The following HACL2 variants were observed in gnomAD, a reference collection of about 807,000 sequenced individuals.
The protein encoded by HACL2 is 2-hydroxyacyl-CoA lyase 1 like.
At chr19:15,123,068 GCC>G in the HACL2 span, 1 of 1,610,118 alleles carries the variant, frequency 6.2e-7, no homozygotes, top group Non-Finnish European at 8.5e-7. The surrounding 1 kb of genome is among the most constrained non-coding windows in gnomAD (Gnocchi z 5.1). Flanking sequence ...TATCGCATGA[GCC>G]CTTCAAGCCC....
the HACL2 span, chr19:15,119,496 A>G: frequency 6.2e-7 from 1 of 1,614,010 alleles, no homozygotes; most frequent in African/African-American, 1.3e-5. Context: ...CCGGCTCAGG[A>G]TCTCCACACA....
At chr19:15,123,372 C>T in the HACL2 span, 1 of 1,612,836 alleles carries the variant, frequency 6.2e-7, no homozygotes, top group Non-Finnish European at 8.5e-7. The surrounding 1 kb of genome is among the most constrained non-coding windows in gnomAD (Gnocchi z 5.1). Context: ...GCAATGCCCT[C>T]ACCGGACAGG....
chr19:15,123,127 T>A, the HACL2 span: 8 of 1,613,374 alleles, frequency 5.0e-6, no homozygotes, highest in Non-Finnish European at 6.8e-6. The surrounding 1 kb of genome is among the most constrained non-coding windows in gnomAD (Gnocchi z 5.1). Flanking sequence ...TGCAGCAGAG[T>A]GCTGGCAGCC....
At chr19:15,122,698 G>A in the HACL2 span, 1 of 1,613,856 alleles carries the variant, frequency 6.2e-7, no homozygotes, top group African/African-American at 1.3e-5. This position sits in a 1 kb window ranked among gnomAD's most constrained non-coding sequence, Gnocchi z 4.0. Context: ...TTCACCAGGA[G>A]ACCACTCGGC....
At chr19:15,119,945 G>T in the HACL2 span, 1 of 1,424,634 alleles carries the variant, frequency 7.0e-7, no homozygotes, top group South Asian at 1.3e-5. Context: ...CTCAGGGAGA[G>T]GGTAGGGTCC....
At chr19:15,119,934 C>T in the HACL2 span, 1 of 1,326,828 alleles carries the variant, frequency 7.5e-7, no homozygotes, top group Non-Finnish European at 1.0e-6. Context: ...GGCCCTCTCC[C>T]CTCAGGGAGA....
the HACL2 span, chr19:15,119,116 G>C: frequency 6.6e-7 from 1 of 1,517,010 alleles, no homozygotes; most frequent in South Asian, 1.3e-5. Context: ...TGGGTAACAG[G>C]GTGAGGGGGT....
At chr19:15,119,143 GA>G in the HACL2 span, 1 of 1,524,578 alleles carries the variant, frequency 6.6e-7, no homozygotes, top group Non-Finnish European at 8.8e-7. Flanking sequence ...GGGAAGGAGG[GA>G]AAGGAAGAGG....
At chr19:15,119,399 C>T in the HACL2 span, 1 of 1,613,794 alleles carries the variant, frequency 6.2e-7, no homozygotes, top group Non-Finnish European at 8.5e-7. Flanking sequence ...AAAACAAGGG[C>T]AGGGCTGGCG....
the HACL2 span, chr19:15,125,307 A>C: frequency 1.9e-6 from 1 of 525,398 alleles, no homozygotes; most frequent in Non-Finnish European, 3.4e-6. Context: ...TTACATCACC[A>C]CCACTCCCAC....
At chr19:15,122,641 G>T in the HACL2 span, 2 of 1,472,190 alleles carry the variant, frequency 1.4e-6, no homozygotes, top group Non-Finnish European at 1.9e-6. This position sits in a 1 kb window ranked among gnomAD's most constrained non-coding sequence, Gnocchi z 4.0. Flanking sequence ...GCTGGAAGCT[G>T]CAGGAGAGAA....
At chr19:15,115,855 G>A in the HACL2 span, 4 of 1,613,968 alleles carry the variant, frequency 2.5e-6, no homozygotes, top group African/African-American at 1.3e-5. Flanking sequence ...GTCACCTTGT[G>A]TCTGACGAAT....
the HACL2 span, chr19:15,125,047 C>T: frequency 6.4e-7 from 1 of 1,553,472 alleles, no homozygotes; most frequent in South Asian, 1.2e-5. Context: ...GCGGCGGCCG[C>T]GGGGGTCTCC....
chr19:15,123,519 G>A, the HACL2 span: 2 of 1,614,040 alleles, frequency 1.2e-6, no homozygotes, highest in Non-Finnish European at 1.7e-6. The surrounding 1 kb of genome is among the most constrained non-coding windows in gnomAD (Gnocchi z 5.1). Flanking sequence ...CGCACACCAT[G>A]GGCCCTCAGC....
the HACL2 span, chr19:15,123,097 GC>G: frequency 6.2e-7 from 1 of 1,612,774 alleles, no homozygotes. This position sits in a 1 kb window ranked among gnomAD's most constrained non-coding sequence, Gnocchi z 5.1. Context: ...GCCCCCACTG[GC>G]CCCCAAGGAC....
At chr19:15,124,136 C>T in the HACL2 span, 1 of 158,758 alleles carries the variant, frequency 6.3e-6, no homozygotes, top group Non-Finnish European at 1.4e-5. Flanking sequence ...GAGTGAGCTG[C>T]TGGCACAGAC....
At chr19:15,122,613 A>C in the HACL2 span, 1 of 1,201,484 alleles carries the variant, frequency 8.3e-7, no homozygotes, top group Non-Finnish European at 1.2e-6. The surrounding 1 kb of genome is among the most constrained non-coding windows in gnomAD (Gnocchi z 4.0). Context: ...CATGTGAATC[A>C]AAGGAGGATG....
At chr19:15,122,036 T>A in the HACL2 span, among the ~76,000 whole-genome samples, 1 of 148,392 alleles carries the variant, frequency 6.7e-6, no homozygotes, top group Admixed American at 6.7e-5. The surrounding 1 kb of genome is among the most constrained non-coding windows in gnomAD (Gnocchi z 4.0). Flanking sequence ...TAGCTGGGAC[T>A]ACAGGCGCCC....
the HACL2 span, chr19:15,123,534 C>A: frequency 6.2e-7 from 1 of 1,614,002 alleles, no homozygotes; most frequent in African/African-American, 1.3e-5. The surrounding 1 kb of genome is among the most constrained non-coding windows in gnomAD (Gnocchi z 5.1). Context: ...CTCAGCACAG[C>A]GGCCACGTTC....
Sources: allele counts gnomAD v4.1 joint callset (sites outside exome capture counted in the v4.1 genomes callset), GRCh38; gene constraint gnomAD v4.1.1; non-coding constraint Gnocchi (gnomAD v3.1); transcripts MANE v1.5; gene names NCBI Gene and HGNC (gene_info 2026-07-23, HGNC 2026-07-21).